Variants in CDC14A observed in about 807,000 individuals in gnomAD.
CDC14A encodes the protein dual specificity protein phosphatase CDC14A.
A neutral mutation model predicts 74.4 loss-of-function variants in CDC14A; 53 were observed. The observed-to-expected ratio is 0.71, with a 90% CI of 0.57 to 0.89. The LOEUF (loss-of-function observed/expected upper bound fraction) is 0.89. CDC14A is among the 40% of genes least tolerant of loss of function. CDC14A has a pLI of 0.00. For missense variants in CDC14A, 646 were observed against 713.7 expected (o/e 0.91, Z 1.08); for synonymous variants, 247 against 258.4 (o/e 0.96, Z 0.43).
intron 5 of CDC14A, among the ~76,000 whole-genome samples, chr1:100,437,543 A>G (rs576087940): frequency 6.6e-6 from 1 of 152,316 alleles, no homozygotes; most frequent in East Asian, 1.9e-4. Flanking sequence ...TTAGATTTCA[A>G]TTTGTAAACT....
chr1:100,451,311 C>T lies in CDC14A; in HGVS notation c.520-4094C>T, dbSNP rs539877439. Reference sequence around the variant, plus strand: ...TTTGGAATGGGCCTCCACATGTTTTCCAACCCCACTGTCTCCCTGCTGTAG... The same window carrying T: ...TTTGGAATGGGCCTCCACATGTTTTTCAACCCCACTGTCTCCCTGCTGTAG... On this transcript the variant is annotated intron_variant, in intron 7 of 15. Coordinates refer to ENST00000336454, the MANE Select transcript of CDC14A (RefSeq NM_003672.4). Among the ~76,000 whole-genome samples, 31 of 152,284 alleles carry T rather than the reference C, an allele frequency of 2.0e-4. No individual in the cohort carries two copies. In the East Asian group the frequency reaches 3.1e-3, roughly 15 times the overall value.
chr1:100,448,029 G>A (rs1055032022), intron 7 of CDC14A, among the ~76,000 whole-genome samples: 13 of 152,220 alleles, frequency 8.5e-5, no homozygotes, highest in African/African-American at 3.1e-4. Flanking sequence ...TGATGCGGTA[G>A]CAGTGTCCTG....
At position 100,370,288 on chromosome 1, in the gene CDC14A, G is replaced by T. The variant is rs11166444; in HGVS notation, c.141-7258G>T. ...CATGAGCCACTGCACCCAGCCTAAA[G>T]TTTTTTTTTTTTTTGTAGAGATGGA... On this transcript the variant is annotated intron_variant, in intron 2 of 15. Coordinates refer to ENST00000336454, the MANE Select transcript of CDC14A (RefSeq NM_003672.4). 2.8e-3 allele frequency among the ~76,000 whole-genome samples: 397 copies of T among 143,216 alleles called. 3 individuals carry two copies. Among genetic ancestry groups the T allele is most frequent in the African/African-American group, 9.8e-3 (383 of 39,218 alleles). The allele number at this position is 143,216 out of a possible 152,430, so 94.0% of individuals were successfully genotyped here.
At chr1:100,496,399 G>T (rs1647831459) in intron 13 of CDC14A, among the ~76,000 whole-genome samples, 1 of 151,890 alleles carries the variant, frequency 6.6e-6, no homozygotes, top group South Asian at 2.1e-4. Context: ...ATTTTTATTG[G>T]TCCTCTTTCT....
chr1:100,382,145 A>G (rs1242231940), intron 3 of CDC14A, among the ~76,000 whole-genome samples: 1 of 151,910 alleles, frequency 6.6e-6, no homozygotes, highest in Admixed American at 6.6e-5. Flanking sequence ...TCTTCTGAAA[A>G]AGAAGACTTT....
chr1:100,388,506 CTCTT>C (rs1657185943), intron 3 of CDC14A, among the ~76,000 whole-genome samples: 1 of 152,166 alleles, frequency 6.6e-6, no homozygotes, highest in African/African-American at 2.4e-5. Context: ...CCTTTGTTCT[CTCTT>C]TATTTCATAG....
At chr1:100,352,338 G>T, upstream of CDC14A, 1 of 461,468 alleles carries the variant, frequency 2.2e-6, no homozygotes, top group Non-Finnish European at 2.9e-6. Flanking sequence ...CCTGGTAACT[G>T]GGGCTGCTGC....
chr1:100,442,053 G>T (rs1251216120), intron 6 of CDC14A, among the ~76,000 whole-genome samples: 1 of 151,592 alleles, frequency 6.6e-6, no homozygotes, highest in African/African-American at 2.4e-5. Flanking sequence ...AAAAGATTCT[G>T]TTCTCTTTAA....
intron 4 of CDC14A, among the ~76,000 whole-genome samples, chr1:100,408,179 G>GT (rs1660201626): frequency 6.6e-6 from 1 of 152,094 alleles, no homozygotes; most frequent in African/African-American, 2.4e-5. Context: ...TTGGTTTTCT[G>GT]TTCCTGCAAT....
intron 4 of CDC14A, among the ~76,000 whole-genome samples, chr1:100,418,960 G>A (rs909274291): frequency 4.6e-5 from 7 of 152,116 alleles, no homozygotes; most frequent in African/African-American, 1.7e-4. Context: ...TGAGGCGGGT[G>A]GATCACTTGA....
chr1:100,398,327 C>T (rs545340919), intron 4 of CDC14A, among the ~76,000 whole-genome samples: 2 of 152,234 alleles, frequency 1.3e-5, no homozygotes, highest in Admixed American at 6.5e-5. Flanking sequence ...CCCTGATGAT[C>T]GGACAGCTAC....
At chr1:100,442,310 T>C (rs1665025785) in intron 6 of CDC14A, among the ~76,000 whole-genome samples, 1 of 147,050 alleles carries the variant, frequency 6.8e-6, no homozygotes, top group African/African-American at 2.5e-5. Flanking sequence ...TTATGTATTG[T>C]ATATATAAAT....
At chr1:100,476,346 C>T (rs1015606553) in intron 10 of CDC14A, among the ~76,000 whole-genome samples, 5 of 152,046 alleles carry the variant, frequency 3.3e-5, no homozygotes, top group South Asian at 2.1e-4. Context: ...CCAGCTACTT[C>T]GGAGGCTGAA....
At chr1:100,370,592 T>C (rs548506224) in intron 2 of CDC14A, among the ~76,000 whole-genome samples, 67 of 152,338 alleles carry the variant, frequency 4.4e-4, no homozygotes, top group African/African-American at 1.5e-3. Flanking sequence ...GCTATTTCTG[T>C]TGATTTTGTT....
chr1:100,413,997 C>T (rs1217356308), intron 4 of CDC14A, among the ~76,000 whole-genome samples: 1 of 152,156 alleles, frequency 6.6e-6, no homozygotes, highest in South Asian at 2.1e-4. Context: ...ACTTAAGAAA[C>T]TAACACACTT....
chr1:100,366,092 A>G (rs548744603), intron 2 of CDC14A, among the ~76,000 whole-genome samples: 4 of 152,304 alleles, frequency 2.6e-5, no homozygotes, highest in South Asian at 4.1e-4. Context: ...ACTGGTGACC[A>G]ATAGGCTTTT....
At chr1:100,500,625 C>T (rs1013251195) in intron 15 of CDC14A, among the ~76,000 whole-genome samples, 1 of 151,216 alleles carries the variant, frequency 6.6e-6, no homozygotes, top group African/African-American at 2.4e-5. Context: ...GGCGTGGTGG[C>T]ACGCACCTGT....
intron 2 of CDC14A, among the ~76,000 whole-genome samples, chr1:100,355,598 T>G (rs1651768531): frequency 6.6e-6 from 1 of 152,186 alleles, no homozygotes; most frequent in Admixed American, 6.5e-5. Context: ...ATTTATATTG[T>G]GAGTTGGGAT....
At chr1:100,494,765 A>G (rs1000417808) in intron 11 of CDC14A, 53 bp from the exon 12 acceptor site, 102 of 872,968 alleles carry the variant, frequency 1.2e-4, no homozygotes, top group Non-Finnish European at 1.7e-4. Context: ...CTGTTAAGAA[A>G]CCTATATAAA....
Sources: gnomAD v4.1 joint callset for allele counts (sites outside exome capture counted in the v4.1 genomes callset) on GRCh38, gnomAD v4.1.1 for gene constraint, MANE v1.5 for transcripts, NCBI Gene and HGNC (gene_info 2026-07-23, HGNC 2026-07-21) for gene names.